PDGFC: variants seen among roughly 807,000 people sequenced by gnomAD.
PDGFC encodes the protein platelet-derived growth factor C.
In PDGFC, 12 loss-of-function variants were observed where a neutral mutation model predicts 35.5. The observed-to-expected ratio is 0.34, with a 90% CI of 0.22 to 0.55. The LOEUF (loss-of-function observed/expected upper bound fraction) is 0.55, where lower values mean the gene tolerates loss of function less well. PDGFC is among the 20% of genes least tolerant of loss of function. The pLI is 0.91. For missense variants in PDGFC, 322 were observed against 412.4 expected, an observed-to-expected ratio of 0.78 and a Z score of 1.90; for synonymous variants, 159 against 148.8, an observed-to-expected ratio of 1.07 and a Z score of -0.50.
At chr4:156,809,979 T>G (rs1731886466) in intron 3 of PDGFC, among the ~76,000 whole-genome samples, 1 of 151,860 alleles carries the variant, frequency 6.6e-6, no homozygotes, top group Non-Finnish European at 1.5e-5. Flanking sequence ...TTTCACTTTG[T>G]GAAAGTGTAT....
chr4:156,881,042 ATGT>A (rs1283613615), intron 1 of PDGFC, among the ~76,000 whole-genome samples: 1 of 152,216 alleles, frequency 6.6e-6, no homozygotes, highest in Non-Finnish European at 1.5e-5. Context: ...TATAGGTGAA[ATGT>A]TGTAAAATGG....
At chr4:156,763,915 G>A (rs1730450513) in intron 5 of PDGFC, among the ~76,000 whole-genome samples, 1 of 152,258 alleles carries the variant, frequency 6.6e-6, no homozygotes, top group African/African-American at 2.4e-5. Flanking sequence ...AATACAGCAA[G>A]ATTGACACTT....
chr4:156,839,680 G>A (rs1462627325), intron 2 of PDGFC, among the ~76,000 whole-genome samples: 2 of 152,142 alleles, frequency 1.3e-5, no homozygotes, highest in African/African-American at 4.8e-5. Context: ...AGGAAAATAT[G>A]GGAAAGTTTG....
intron 1 of PDGFC, among the ~76,000 whole-genome samples, chr4:156,929,228 T>C (rs1422876525): frequency 2.6e-5 from 4 of 152,120 alleles, no homozygotes; most frequent in African/African-American, 9.7e-5. Context: ...TTTTGGGAAA[T>C]GACTCAACAA....
intron 1 of PDGFC, among the ~76,000 whole-genome samples, chr4:156,914,136 A>G (rs1489908558): frequency 1.3e-5 from 2 of 152,168 alleles, no homozygotes; most frequent in African/African-American, 4.8e-5. Context: ...AATCAGAAGG[A>G]CTAAAAAGAA....
chr4:156,897,128 G>A (rs914147795), intron 1 of PDGFC, among the ~76,000 whole-genome samples: 2 of 152,026 alleles, frequency 1.3e-5, no homozygotes, highest in African/African-American at 2.4e-5. Context: ...AACTTATTTG[G>A]GGATGAAGAG....
chr4:156,900,031 A>G (rs1406247900), intron 1 of PDGFC, among the ~76,000 whole-genome samples: 3 of 152,182 alleles, frequency 2.0e-5, no homozygotes, highest in Non-Finnish European at 2.9e-5. Context: ...TCTCTAAATA[A>G]ATATTATTCA....
chr4:156,813,292 A>C (rs1180669092), intron 2 of PDGFC, among the ~76,000 whole-genome samples: 1 of 152,070 alleles, frequency 6.6e-6, no homozygotes, highest in African/African-American at 2.4e-5. Flanking sequence ...TTCGACAGGG[A>C]TTTATGAAAC....
chr4:156,788,182 T>C (rs1239461469), intron 3 of PDGFC, among the ~76,000 whole-genome samples: 3 of 151,578 alleles, frequency 2.0e-5, no homozygotes, highest in African/African-American at 4.9e-5. Context: ...GAAGTCAAAC[T>C]AAGCAAATGC....
At chr4:156,843,734 T>C (rs888037003) in intron 2 of PDGFC, among the ~76,000 whole-genome samples, 2 of 152,286 alleles carry the variant, frequency 1.3e-5, no homozygotes, top group East Asian at 3.9e-4. Context: ...GTAGTAACTG[T>C]GGTGAGAACC....
At chr4:156,832,890 G>A (rs1728979381) in intron 2 of PDGFC, among the ~76,000 whole-genome samples, 1 of 152,148 alleles carries the variant, frequency 6.6e-6, no homozygotes, top group Non-Finnish European at 1.5e-5. Flanking sequence ...GCTGGCCCCT[G>A]GGGGACTACT....
intron 1 of PDGFC, among the ~76,000 whole-genome samples, chr4:156,933,053 C>T (rs541989790): frequency 6.6e-6 from 1 of 152,280 alleles, no homozygotes; most frequent in Non-Finnish European, 1.5e-5. Flanking sequence ...CCTGCCAGAC[C>T]TTGGGCAAAT....
At chr4:156,961,816 A>G in intron 1 of PDGFC, among the ~76,000 whole-genome samples, 1 of 152,102 alleles carries the variant, frequency 6.6e-6, no homozygotes, top group South Asian at 2.1e-4. Context: ...CTCATTCTGC[A>G]CGCCATCCGT....
intron 1 of PDGFC, among the ~76,000 whole-genome samples, chr4:156,969,228 A>C (rs1732533955): frequency 6.6e-6 from 1 of 152,218 alleles, no homozygotes; most frequent in Non-Finnish European, 1.5e-5. Flanking sequence ...CTGGACATTT[A>C]TTTTACATGA....
chr4:156,952,988 T>A (rs1172147960), intron 1 of PDGFC, among the ~76,000 whole-genome samples: 1 of 151,912 alleles, frequency 6.6e-6, no homozygotes, highest in African/African-American at 2.4e-5. Flanking sequence ...TGTCTTTTTA[T>A]GAAAACACCA....
intron 3 of PDGFC, among the ~76,000 whole-genome samples, chr4:156,801,299 T>G (rs907389852): frequency 9.9e-5 from 15 of 152,136 alleles, no homozygotes; most frequent in African/African-American, 3.4e-4. Flanking sequence ...CTCTGAATTT[T>G]GGGGAGGCTG....
chr4:156,826,496 C>A (rs1157639228), intron 2 of PDGFC, among the ~76,000 whole-genome samples: 1 of 152,052 alleles, frequency 6.6e-6, no homozygotes, highest in South Asian at 2.1e-4. Context: ...GCCACCATGC[C>A]ATTGTAATTT....
intron 3 of PDGFC, among the ~76,000 whole-genome samples, chr4:156,790,011 T>C (rs926947434): frequency 4.1e-5 from 6 of 145,210 alleles, no homozygotes; most frequent in Non-Finnish European, 5.9e-5. Context: ...AAGAATACTT[T>C]GAGGAAACAT....
chr4:156,879,638 C>T (rs1290792542), intron 1 of PDGFC, among the ~76,000 whole-genome samples: 1 of 152,150 alleles, frequency 6.6e-6, no homozygotes, highest in African/African-American at 2.4e-5. Flanking sequence ...AATTCCAGTG[C>T]CCTAAAACAG....
Sources: gnomAD v4.1 joint callset for allele counts (sites outside exome capture counted in the v4.1 genomes callset) on GRCh38, gnomAD v4.1.1 for gene constraint, MANE v1.5 for transcripts, NCBI Gene and HGNC (gene_info 2026-07-23, HGNC 2026-07-21) for gene names.